The following SVEP1 variants were observed in gnomAD, a reference collection of about 807,000 sequenced individuals.
SVEP1 encodes the protein sushi, von Willebrand factor type A, EGF and pentraxin domain containing 1.
In SVEP1, 164 loss-of-function variants were observed where a neutral mutation model predicts 367.3. The ratio of observed to expected loss-of-function variants is 0.45; its 90% confidence interval spans 0.39 to 0.51. SVEP1 has a LOEUF of 0.51. SVEP1 is among the 20% of genes least tolerant of loss of function. The pLI, the probability that SVEP1 is intolerant of heterozygous loss-of-function variation, is 0.00. For synonymous variants in SVEP1, 1,666 were observed against 1,611.6 expected (o/e 1.03, Z -0.81); for missense variants, 4,117 against 4,425.3 (o/e 0.93, Z 1.98).
At chr9:110,384,901 T>C (rs1827497530) in intron 43 of SVEP1, among the ~76,000 whole-genome samples, 1 of 152,212 alleles carries the variant, frequency 6.6e-6, no homozygotes, top group Admixed American at 6.5e-5. Context: ...TCAATGAATA[T>C]GTTAATTGAT....
At chr9:110,562,812 C>T (rs1218610016) in intron 1 of SVEP1, among the ~76,000 whole-genome samples, 2 of 152,148 alleles carry the variant, frequency 1.3e-5, no homozygotes, top group Non-Finnish European at 2.9e-5. Flanking sequence ...AACTCAGCCT[C>T]CCAAGTAGTT....
At chr9:110,547,272 G>A (rs1830232238) in intron 2 of SVEP1, among the ~76,000 whole-genome samples, 1 of 152,192 alleles carries the variant, frequency 6.6e-6, no homozygotes, top group Non-Finnish European at 1.5e-5. Flanking sequence ...TAAAAGATCT[G>A]TAACACAGGC....
chr9:110,457,347 G>A lies in SVEP1; in HGVS notation c.3582C>T (p.Phe1194=), dbSNP rs1991939752. Reference sequence around the variant, plus strand: ...GGCAAGGGTTAAAGAAGCATTCATGGAAAACCTACCAGTAGCATAAAAAAA... The same window carrying A: ...GGCAAGGGTTAAAGAAGCATTCATGAAAAACCTACCAGTAGCATAAAAAAA... ...KKRHEISSQV[F]HECFFNPCHN... is the part of the protein sequence containing the mutation. Residue 1194 remains phenylalanine (F), a synonymous_variant, in exon 21 of 48, where the codon TTC becomes TTT. Coordinates refer to ENST00000374469, the MANE Select transcript of SVEP1 (RefSeq NM_153366.4). The A allele has an allele frequency of 6.2e-7, 1 of 1,608,440 alleles. No homozygotes were observed. Among genetic ancestry groups the A allele is most frequent in the South Asian group, 1.1e-5 (1 of 89,824 alleles).
chr9:110,517,724 T>A (rs556759883), intron 3 of SVEP1, among the ~76,000 whole-genome samples: 1 of 126,754 alleles, frequency 7.9e-6, no homozygotes, highest in African/African-American at 3.1e-5. Flanking sequence ...GCCTGGGGCC[T>A]GGATGATAGA....
rs535538181 is a variant in SVEP1, at chr9:110,430,208, T to C, written c.5530+66A>G. On this transcript the variant is annotated intron_variant, in intron 33 of 47. Transcript: ENST00000374469. ...AACATTGATACAACATAACACTTCA[T>C]ATGTCTACGCCTTACCTTTCTAGGA... is the stretch of plus-strand genomic sequence containing the variant. 532 of 1,494,388 alleles carry C rather than the reference T, an allele frequency of 3.6e-4. 4 individuals are homozygous for C. The South Asian group carries it at 3.7e-3, about 10-fold the overall frequency. The allele number at this position is 1,494,388 out of a possible 1,614,324, so 92.6% of individuals were successfully genotyped here.
At chr9:110,416,229 G>A (rs780738268) in intron 36 of SVEP1, among the ~76,000 whole-genome samples, 74 of 151,760 alleles carry the variant, frequency 4.9e-4, no homozygotes, top group Non-Finnish European at 7.5e-4. Flanking sequence ...TAGAAAAAAA[G>A]CTCTAAAATA....
rs1384069868 is a variant in SVEP1, at chr9:110,579,569, C to G, written c.-26G>C. On this transcript the variant is annotated 5_prime_UTR_variant, in exon 1 of 48. Transcript: ENST00000374469. The surrounding 1 kb of genome is among the most constrained non-coding windows in gnomAD (Gnocchi z 5.3). Reference sequence around the variant, plus strand: ...CGCGCTGGAGACAGAGCGGCTGCCCCGGAGCGCAGGCGGCGGCTCGGGCGG... The same window carrying G: ...CGCGCTGGAGACAGAGCGGCTGCCCGGGAGCGCAGGCGGCGGCTCGGGCGG... 1.9e-6 allele frequency: 3 copies of G among 1,544,256 alleles called. No individual in the cohort carries two copies. Among genetic ancestry groups the G allele is most frequent in the Non-Finnish European group, 2.6e-6 (3 of 1,151,906 alleles).
chr9:110,534,084 T>A (rs1013232334), intron 3 of SVEP1, among the ~76,000 whole-genome samples: 16 of 152,106 alleles, frequency 1.1e-4, no homozygotes, highest in Non-Finnish European at 2.2e-4. Flanking sequence ...ATAGGTAAAC[T>A]CACATCATGG....
In SVEP1 at chr9:110,407,996, G is replaced by A. The variant is rs1446759352; in HGVS notation, c.7604C>T (p.Ala2535Val). 3 of 1,614,006 alleles carry A rather than the reference G, an allele frequency of 1.9e-6. No homozygotes were observed. Among genetic ancestry groups the A allele is most frequent in the African/African-American group, 1.3e-5 (1 of 75,044 alleles). Residue 2535 changes from alanine to valine, a missense_variant, in exon 38 of 48, where the codon GCC becomes GTC. Around this residue, in one of 4 missense-constraint regions of SVEP1, gnomAD observed 1,765 missense variants for 1,781.1 expected, o/e 0.99. Transcript: ENST00000374469. ...NRGFRLEGPSALTCLETGDWD... is the reference protein window; with the variant it reads ...NRGFRLEGPSVLTCLETGDWD... ...ATCACCTGTCTCTAAACAGGTCAAG[G>A]CACTGGGACCTTCGAGCCGAAAGCC...
intron 40 of SVEP1, among the ~76,000 whole-genome samples, chr9:110,398,730 A>AG: frequency 6.6e-6 from 1 of 152,254 alleles, no homozygotes; most frequent in Non-Finnish European, 1.5e-5. Context: ...CAGCCAAAAA[A>AG]CACTCATGAA....
At chr9:110,405,773 T>C (rs1361363867) in intron 38 of SVEP1, among the ~76,000 whole-genome samples, 1 of 152,192 alleles carries the variant, frequency 6.6e-6, no homozygotes, top group African/African-American at 2.4e-5. Flanking sequence ...TTGCCTTATG[T>C]CCCCAATATT....
At position 110,481,390 on chromosome 9, in the gene SVEP1, T is replaced by C; in HGVS notation, c.2217A>G (p.Ile739Met). Residue 739 changes from isoleucine to methionine, a missense_variant, in exon 12 of 48, where the codon ATA (isoleucine) becomes ATG (methionine). Ile to Met is a conservative substitution (Grantham distance 10, BLOSUM62 1). Coordinates refer to ENST00000374469, the MANE Select transcript of SVEP1 (RefSeq NM_153366.4). ...IPFTPVNGDF[I>M]CTPDNTGVNC... ...TGACTCCAGTATTATCTGGAGTGCA[T>C]ATAAAATCCCCATTTACAGGTGTGA... The C allele has an allele frequency of 2.5e-6, 4 of 1,604,072 alleles. No individual in the cohort carries two copies. Among genetic ancestry groups the C allele is most frequent in the Non-Finnish European group, 3.4e-6 (4 of 1,175,542 alleles).
intron 32 of SVEP1, 55 bp from the exon 33 acceptor site, chr9:110,430,505 A>T (rs3739447): frequency 0.16 from 238,926 of 1,514,756 alleles, 20,882 homozygotes; most frequent in East Asian, 0.35. Flanking sequence ...AACCATGCAA[A>T]GTCTCACAGC....
chr9:110,529,662 C>T (rs7853220), intron 3 of SVEP1, among the ~76,000 whole-genome samples: 109,222 of 151,806 alleles, frequency 0.72, 40,134 homozygotes, highest in Admixed American at 0.79. Context: ...TGATTTTCAG[C>T]TTGATTGTTG....
At chr9:110,552,598 G>T (rs1028692197) in intron 1 of SVEP1, among the ~76,000 whole-genome samples, 1 of 151,984 alleles carries the variant, frequency 6.6e-6, no homozygotes, top group African/African-American at 2.4e-5. Flanking sequence ...AGTGATGGGA[G>T]ACAGGGACAG....
intron 46 of SVEP1, 115 bp from the exon 47 acceptor site, chr9:110,370,131 T>C (rs1827254904): frequency 1.2e-6 from 1 of 860,672 alleles, no homozygotes. Flanking sequence ...ACTGCTGGTC[T>C]TCATATACCG....
At chr9:110,427,471 C>T in intron 36 of SVEP1, 120 bp downstream of exon 36, 1 of 1,187,284 alleles carries the variant, frequency 8.4e-7, no homozygotes, top group Non-Finnish European at 1.2e-6. Context: ...AAGCATAAGG[C>T]TCTCTTTGTC....
intron 40 of SVEP1, among the ~76,000 whole-genome samples, chr9:110,389,993 CAT>C (rs776147911): frequency 2.4e-5 from 3 of 123,858 alleles, no homozygotes; most frequent in Non-Finnish European, 3.5e-5. Context: ...CATAAAAACA[CAT>C]GTGATGTATA....
At chr9:110,476,905 G>T (rs955552569) in intron 13 of SVEP1, among the ~76,000 whole-genome samples, 2 of 152,082 alleles carry the variant, frequency 1.3e-5, no homozygotes, top group Non-Finnish European at 1.5e-5. Context: ...CCCCTTAAAG[G>T]CTCACAGTTC....
Sources: gnomAD v4.1 joint callset for allele counts (sites outside exome capture counted in the v4.1 genomes callset) on GRCh38, gnomAD v4.1.1 for gene constraint, gnomAD v4.1.1 regional missense constraint, Gnocchi (gnomAD v3.1) non-coding constraint, MANE v1.5 for transcripts, NCBI Gene and HGNC (gene_info 2026-07-23, HGNC 2026-07-21) for gene names.